The following UNC13A variants were observed in gnomAD, a reference collection of about 807,000 sequenced individuals.
The protein encoded by UNC13A is protein unc-13 homolog A.
A neutral mutation model predicts 219.7 loss-of-function variants in UNC13A; 61 were observed. The ratio of observed to expected loss-of-function variants is 0.28; its 90% CI spans 0.23 to 0.34. UNC13A has a LOEUF of 0.34. Ranked by LOEUF, UNC13A falls within the 10% of genes least tolerant of loss-of-function variation. UNC13A has a pLI of 1.00. For missense variants in UNC13A, 1,476 were observed against 2,270.3 expected, an observed-to-expected ratio of 0.65 and a Z score of 7.11; for synonymous variants, 920 against 884.6, an observed-to-expected ratio of 1.04 and a Z score of -0.71.
intron 30 of UNC13A, 46 bp from the exon 31 acceptor site, chr19:17,629,369 G>C: frequency 6.4e-7 from 1 of 1,551,074 alleles, no homozygotes; most frequent in South Asian, 1.2e-5. Flanking sequence ...CTGGCACCAA[G>C]GCAGGCGCCA....
intron 25 of UNC13A, among the ~76,000 whole-genome samples, chr19:17,638,268 A>G (rs1243737638): frequency 1.3e-5 from 2 of 151,620 alleles, no homozygotes; most frequent in African/African-American, 2.4e-5. Context: ...TGAGCCCAGG[A>G]GATCAGCCTG....
intron 20 of UNC13A, among the ~76,000 whole-genome samples, chr19:17,641,995 TCCAC>T (rs1037180285): frequency 4.0e-5 from 6 of 151,362 alleles, no homozygotes; most frequent in Non-Finnish European, 8.8e-5. Flanking sequence ...CTTCCATTCA[TCCAC>T]CCACCCATTC....
At chr19:17,648,831 G>T in intron 15 of UNC13A, 81 bp downstream of exon 15, 3 of 1,521,274 alleles carry the variant, frequency 2.0e-6, no homozygotes, top group Non-Finnish European at 8.9e-7. Flanking sequence ...TCTTCCCGGG[G>T]ACCCACAGAG....
intron 8 of UNC13A, among the ~76,000 whole-genome samples, chr19:17,660,729 G>A (rs567753173): frequency 6.6e-5 from 10 of 151,526 alleles, no homozygotes; most frequent in East Asian, 3.9e-4. Context: ...ATGGGGTTTC[G>A]TCACGTTGGC....
At chr19:17,668,682 T>C (rs1345499979) in intron 5 of UNC13A, among the ~76,000 whole-genome samples, 7 of 151,688 alleles carry the variant, frequency 4.6e-5, no homozygotes, top group Non-Finnish European at 1.0e-4. Context: ...AGAGACAGGG[T>C]TTCTCCATGT....
chr19:17,639,310 G>A (rs2076943009), intron 24 of UNC13A, 93 bp from the exon 25 acceptor site: 1 of 1,587,682 alleles, frequency 6.3e-7, no homozygotes, highest in African/African-American at 1.3e-5. Flanking sequence ...AGGAAATGAA[G>A]TGGTATGAAA....
At chr19:17,633,219 C>G (rs1334601453) in intron 26 of UNC13A, 26 bp from the exon 27 acceptor site, 16 of 1,611,586 alleles carry the variant, frequency 9.9e-6, no homozygotes, top group Non-Finnish European at 1.4e-5. Context: ...AAGTATAAAA[C>G]TTTGGCAGGC....
chr19:17,680,531 A>G (rs1269294462), intron 1 of UNC13A, among the ~76,000 whole-genome samples: 1 of 152,116 alleles, frequency 6.6e-6, no homozygotes, highest in Non-Finnish European at 1.5e-5. Flanking sequence ...GCGCTGACTG[A>G]TGAATGTAGT....
chr19:17,674,649 A>G lies in UNC13A; in HGVS notation c.152+8T>C. On this transcript the variant is annotated splice_region_variant and intron_variant, in intron 3 of 43. Transcript: ENST00000519716. The surrounding 1 kb of genome is among the most constrained non-coding windows in gnomAD (Gnocchi z 5.0). The stretch of plus-strand genomic sequence containing the variant: ...GGAGTGAGGTCATGCCAGACGCTGC[A>G]GACTCACAACATGAAATCCTGCTCC... The G allele has an allele frequency of 6.2e-7, 1 of 1,613,390 alleles. No homozygotes were observed. The highest frequency in any genetic ancestry group is 8.5e-7 in the Non-Finnish European group (1 of 1,179,550).
intron 26 of UNC13A, 76 bp from the exon 27 acceptor site, chr19:17,633,269 C>A: frequency 7.2e-7 from 1 of 1,394,172 alleles, no homozygotes; most frequent in Non-Finnish European, 1.0e-6. Flanking sequence ...CTTCCCTGCC[C>A]CACAGAGGAG....
chr19:17,631,427 G>A (rs7508598), intron 28 of UNC13A, among the ~76,000 whole-genome samples: 42,427 of 150,570 alleles, frequency 0.28, 6,240 homozygotes, highest in East Asian at 0.46. Context: ...GGATTTCCCT[G>A]TGTTGCCCAG....
Position 17,617,847 on chromosome 19 carries a change from T to C in UNC13A, c.4413A>G (p.Gln1471=). The change falls in exon 41 of 44, where the codon CAA becomes CAG. Residue 1471 remains glutamine, a splice_region_variant and synonymous_variant. Transcript: ENST00000519716. ...GGCCCACGCCACCCGCGTGGAAATA[T>C]TGCTGGGGAGGACAGGGTGGGGAGA... ...VVELALDTIK[Q]YFHAGGVGLK... 6.2e-7 allele frequency: 1 copy of C among 1,613,790 alleles called. No homozygotes were observed. The highest frequency in any genetic ancestry group is 8.5e-7 in the Non-Finnish European group (1 of 1,179,818).
intron 1 of UNC13A, among the ~76,000 whole-genome samples, chr19:17,677,173 C>T (rs1393093873): frequency 6.6e-6 from 1 of 152,078 alleles, no homozygotes; most frequent in African/African-American, 2.4e-5. Context: ...AATCTCACAG[C>T]CCCAAGAGAT....
Position 17,606,261 on chromosome 19 carries a change from C to T in UNC13A, c.4905G>A (p.Leu1635=). The change falls in exon 44 of 44, where the codon CTG becomes CTA. Residue 1635 remains leucine, a synonymous_variant. Coordinates refer to ENST00000519716, the MANE Select transcript of UNC13A (RefSeq NM_001080421.3). ...CFAREDRTVG[L]AVLQLRELAQ... ...CCAGCTCACGCAGCTGCAGCACGGC[C>T]AGCCCCACCGTGCGGTCCTCGCGCG... is the stretch of plus-strand genomic sequence containing the variant. 6.5e-7 allele frequency: 1 copy of T among 1,547,784 alleles called. No individual in the cohort carries two copies. Among genetic ancestry groups the T allele is most frequent in the South Asian group, 1.2e-5 (1 of 84,104 alleles).
chr19:17,675,338 T>A (rs907109089), intron 2 of UNC13A, among the ~76,000 whole-genome samples: 2 of 149,768 alleles, frequency 1.3e-5, no homozygotes, highest in Non-Finnish European at 3.0e-5. Context: ...ATAAAAATAA[T>A]AATAATAAAA....
rs540968288 is a variant in UNC13A at position 17,604,875 on chromosome 19, TTC to T, written c.*1177_*1178del. ...TGTGTTTGTGTTTCTCTCTCTCTCA[TTC>T]TCTTTCTCTCATTCTCTTTCTCCCC... On this transcript the variant is annotated 3_prime_UTR_variant, in exon 44 of 44. Transcript: ENST00000519716. 5.9e-5 allele frequency: 9 copies of T among 151,860 alleles called. No individual in the cohort carries two copies. The highest frequency in any genetic ancestry group is 2.2e-4 in the African/African-American group (9 of 41,392). 9.4% of individuals were successfully genotyped at this position (151,860 alleles called of 1,614,324 possible). A position where few individuals can be genotyped will look rare whatever the true frequency, so the allele number is the denominator to read the frequency against.
intron 6 of UNC13A, among the ~76,000 whole-genome samples, chr19:17,667,059 C>T (rs972853969): frequency 6.6e-6 from 1 of 152,094 alleles, no homozygotes; most frequent in South Asian, 2.1e-4. Context: ...CGAGACCATC[C>T]TAGCTAAACG....
intron 11 of UNC13A, among the ~76,000 whole-genome samples, chr19:17,654,687 G>T (rs1357974667): frequency 1.3e-5 from 2 of 152,040 alleles, no homozygotes; most frequent in South Asian, 4.2e-4. Context: ...CTACTGAGCC[G>T]GCCCCAGACC....
intron 1 of UNC13A, among the ~76,000 whole-genome samples, chr19:17,678,039 G>T (rs1192924950): frequency 6.6e-6 from 1 of 152,180 alleles, no homozygotes; most frequent in Non-Finnish European, 1.5e-5. Flanking sequence ...TCTATGGGCA[G>T]ATGTCACAGC....
Sources: gnomAD v4.1 joint callset for allele counts (sites outside exome capture counted in the v4.1 genomes callset) on GRCh38, gnomAD v4.1.1 for gene constraint, Gnocchi (gnomAD v3.1) non-coding constraint, MANE v1.5 for transcripts, NCBI Gene and HGNC (gene_info 2026-07-23, HGNC 2026-07-21) for gene names.